Variants in TBC1D19 observed in about 807,000 individuals in gnomAD.
The protein encoded by TBC1D19 is TBC1 domain family, member 19.
Under a neutral mutation model 89.0 loss-of-function variants are expected in TBC1D19, and 60 were observed. The observed-to-expected ratio is 0.67, with a 90% CI of 0.55 to 0.84. TBC1D19 has a LOEUF of 0.84. Among genes scored for constraint, TBC1D19 ranks in the 40% least tolerant of loss-of-function variants. TBC1D19 has a pLI of 0.00. For synonymous variants in TBC1D19, 189 were observed against 199.7 expected (o/e 0.95, Z 0.45); for missense variants, 500 against 610.8 (o/e 0.82, Z 1.91).
rs192445119 is a variant in TBC1D19, at chr4:26,718,129, A to G, written c.1039+112A>G. On this transcript the variant is annotated intron_variant, in intron 14 of 20. Transcript: ENST00000264866. ...GCCAAATTATTATAAATTACTTAAG[A>G]TTTCTCTCAGATGACCGTAATTATC... 2.2e-4 allele frequency: 161 copies of G among 747,592 alleles called. No individual in the cohort carries two copies. The East Asian group carries it at 4.4e-3, about 20-fold the overall frequency. 46.3% of individuals were successfully genotyped at this position (747,592 alleles called of 1,614,324 possible).
chr4:26,672,300 A>G (rs2109107833), intron 10 of TBC1D19, 113 bp downstream of exon 10: 3 of 819,528 alleles, frequency 3.7e-6, no homozygotes, highest in Non-Finnish European at 5.1e-6. Context: ...TGAAAAACCT[A>G]AAGAGGGGTA....
intron 15 of TBC1D19, among the ~76,000 whole-genome samples, chr4:26,728,841 G>A (rs535851478): frequency 2.0e-5 from 3 of 151,798 alleles, no homozygotes; most frequent in East Asian, 1.9e-4. Context: ...GTGAAACCCC[G>A]TCTCTACTAA....
At chr4:26,846,211 T>C in the TBC1D19 span, among the ~76,000 whole-genome samples, 1 of 152,208 alleles carries the variant, frequency 6.6e-6, no homozygotes, top group Non-Finnish European at 1.5e-5. Context: ...ATTGTGAATA[T>C]CTTATATTTT....
intron 7 of TBC1D19, among the ~76,000 whole-genome samples, chr4:26,651,644 C>T (rs539100098): frequency 8.5e-5 from 13 of 152,306 alleles, no homozygotes; most frequent in African/African-American, 3.1e-4. Flanking sequence ...GATATACAAT[C>T]ATGACATCTG....
At chr4:26,685,809 C>T (rs1026442294) in intron 12 of TBC1D19, among the ~76,000 whole-genome samples, 1 of 152,190 alleles carries the variant, frequency 6.6e-6, no homozygotes, top group African/African-American at 2.4e-5. Flanking sequence ...GATCTTTTGG[C>T]CTGTAAGACC....
At chr4:26,655,678 G>A (rs375570494) in intron 7 of TBC1D19, among the ~76,000 whole-genome samples, 4 of 152,352 alleles carry the variant, frequency 2.6e-5, no homozygotes, top group African/African-American at 2.4e-5. Context: ...AGCCAGGCAC[G>A]GGATACAATA....
chr4:26,680,902 T>C (rs1713281236), intron 11 of TBC1D19, among the ~76,000 whole-genome samples: 4 of 152,250 alleles, frequency 2.6e-5, no homozygotes, highest in Admixed American at 1.3e-4. Context: ...GATCTTATTC[T>C]ATTCATTTTC....
At chr4:26,687,165 G>A (rs1441539577) in intron 12 of TBC1D19, among the ~76,000 whole-genome samples, 1 of 152,066 alleles carries the variant, frequency 6.6e-6, no homozygotes, top group Non-Finnish European at 1.5e-5. Flanking sequence ...TGTAAGGTTT[G>A]GGATCTATAT....
At chr4:26,815,036 C>A in the TBC1D19 span, among the ~76,000 whole-genome samples, 65 of 149,882 alleles carry the variant, frequency 4.3e-4, no homozygotes, top group Admixed American at 3.0e-3. Context: ...AAAAAAAAAA[C>A]CAAATAAATA....
At chr4:26,782,964 T>C in the TBC1D19 span, among the ~76,000 whole-genome samples, 2 of 152,322 alleles carry the variant, frequency 1.3e-5, no homozygotes, top group Non-Finnish European at 2.9e-5. Context: ...GTGAGTCATG[T>C]ATCTAATCTG....
intron 9 of TBC1D19, 67 bp from the exon 10 acceptor site, chr4:26,672,082 T>TA (rs1194022157): frequency 1.3e-6 from 1 of 759,208 alleles, no homozygotes; most frequent in Non-Finnish European, 1.9e-6. Context: ...AAAATGTATC[T>TA]AATGTTGTTC....
chr4:26,855,420 G>A, the TBC1D19 span, among the ~76,000 whole-genome samples: 461 of 152,198 alleles, frequency 3.0e-3, 4 homozygotes, highest in Admixed American at 0.013. Context: ...TATGCACCAG[G>A]CAGCTTTACA....
chr4:26,794,889 G>A, the TBC1D19 span, among the ~76,000 whole-genome samples: 3 of 152,140 alleles, frequency 2.0e-5, no homozygotes, highest in African/African-American at 4.8e-5. Context: ...ATGTTCCCTG[G>A]TGTGAACCTG....
At chr4:26,736,616 C>T (rs1230562932) in intron 16 of TBC1D19, among the ~76,000 whole-genome samples, 1 of 152,170 alleles carries the variant, frequency 6.6e-6, no homozygotes, top group Non-Finnish European at 1.5e-5. Flanking sequence ...ACTAGAGATA[C>T]ATATTAATAT....
At chr4:26,598,548 C>A (rs1006798889) in intron 1 of TBC1D19, among the ~76,000 whole-genome samples, 1 of 152,172 alleles carries the variant, frequency 6.6e-6, no homozygotes, top group African/African-American at 2.4e-5. Context: ...GCGCCCGCCA[C>A]CACGCCCAGC....
At chr4:26,630,838 A>G (rs1742763093) in intron 4 of TBC1D19, among the ~76,000 whole-genome samples, 1 of 152,088 alleles carries the variant, frequency 6.6e-6, no homozygotes, top group African/African-American at 2.4e-5. Context: ...ATATTAATAT[A>G]TTAGTCAGTG....
chr4:26,767,139 C>T, the TBC1D19 span, among the ~76,000 whole-genome samples: 1 of 152,070 alleles, frequency 6.6e-6, no homozygotes, highest in Admixed American at 6.6e-5. Flanking sequence ...CACTGTACCC[C>T]AGCCTGGGTG....
chr4:26,633,147 A>G (rs982820708), intron 4 of TBC1D19, among the ~76,000 whole-genome samples: 3 of 152,126 alleles, frequency 2.0e-5, no homozygotes, highest in Non-Finnish European at 2.9e-5. Flanking sequence ...GGCTTTCACA[A>G]CTTTTTCCAT....
chr4:26,609,975 A>G (rs1364704826), intron 1 of TBC1D19, among the ~76,000 whole-genome samples: 2 of 152,122 alleles, frequency 1.3e-5, no homozygotes, highest in Non-Finnish European at 2.9e-5. Context: ...TAAATTAATC[A>G]TATAGTATAA....
Sources: allele counts gnomAD v4.1 joint callset (sites outside exome capture counted in the v4.1 genomes callset), GRCh38; gene constraint gnomAD v4.1.1; transcripts MANE v1.5; gene names NCBI Gene and HGNC (gene_info 2026-07-23, HGNC 2026-07-21).